Variants in DPT observed in about 807,000 individuals in gnomAD.
DPT encodes tyrosine-rich acidic matrix protein.
In DPT, 21 loss-of-function variants were observed where a neutral mutation model predicts 31.2. The observed-to-expected ratio is 0.67, with a 90% CI of 0.48 to 0.97. The LOEUF (loss-of-function observed/expected upper bound fraction) is 0.97. DPT is among the 50% of genes least tolerant of loss of function. The pLI, the probability that DPT is intolerant of heterozygous loss-of-function variation, is 0.00. For synonymous variants in DPT, 91 were observed against 86.9 expected, an observed-to-expected ratio of 1.05 and a Z score of -0.26; for missense variants, 262 against 258.8, an observed-to-expected ratio of 1.01 and a Z score of -0.08.
intron 2 of DPT, among the ~76,000 whole-genome samples, chr1:168,707,152 T>A (rs2101902509): frequency 6.6e-6 from 1 of 152,290 alleles, no homozygotes; most frequent in East Asian, 1.9e-4. Context: ...CTTCTATAGC[T>A]CAGTTCCCTC....
At chr1:168,701,378 A>T (rs1300422954) in intron 2 of DPT, among the ~76,000 whole-genome samples, 2 of 152,230 alleles carry the variant, frequency 1.3e-5, no homozygotes, top group African/African-American at 4.8e-5. Flanking sequence ...CTTTGGAATT[A>T]TCAAAATAAC....
chr1:168,706,616 A>T (rs1212893414), intron 2 of DPT, among the ~76,000 whole-genome samples: 1 of 152,198 alleles, frequency 6.6e-6, no homozygotes, highest in Non-Finnish European at 1.5e-5. Flanking sequence ...TCTGCACAGA[A>T]AATCTGAACC....
At chr1:168,726,460 C>T (rs1025706199) in intron 1 of DPT, among the ~76,000 whole-genome samples, 13 of 152,200 alleles carry the variant, frequency 8.5e-5, no homozygotes, top group African/African-American at 2.7e-4. Context: ...AGGGGTGAGC[C>T]ACAGCTCTGT....
intron 1 of DPT, among the ~76,000 whole-genome samples, chr1:168,716,030 C>A (rs1649979093): frequency 6.6e-6 from 1 of 152,154 alleles, no homozygotes; most frequent in Non-Finnish European, 1.5e-5. Context: ...GCCTTGTTGA[C>A]ACACAAATTG....
At position 168,696,630 on chromosome 1, in the gene DPT, G is replaced by C. The variant is rs1371460769; in HGVS notation, c.540-15C>G. The stretch of plus-strand genomic sequence containing the variant: ...ACTGGCGATCCCTGTGGGAGGGAGA[G>C]TCAGAAAATGAATGTCAGTGAGAAA... On this transcript the variant is annotated splice_polypyrimidine_tract_variant and intron_variant, in intron 3 of 3. Coordinates refer to ENST00000367817, the MANE Select transcript of DPT (RefSeq NM_001937.5). 5.0e-6 allele frequency: 8 copies of C among 1,612,084 alleles called. No homozygotes were observed.
chr1:168,696,610 C>A lies in DPT; in HGVS notation c.545G>T (p.Arg182Leu). 6.2e-7 allele frequency: 1 copy of A among 1,613,616 alleles called. No homozygotes were observed. The highest frequency in any genetic ancestry group is 8.5e-7 in the Non-Finnish European group (1 of 1,179,694). ...CCGGCACATTATGAACTTCCACTGG[C>A]GATCCCTGTGGGAGGGAGAGTCAGA... ...TTTFSAVERDRQWKFIMCRMT... is the reference protein window; with the variant it reads ...TTTFSAVERDLQWKFIMCRMT... The change falls in exon 4 of 4, where the codon CGC becomes CTC. Residue 182 changes from arginine (R) to leucine (L), a missense_variant. Physicochemically the swap from Arg to Leu is moderately radical, Grantham distance 102. Transcript: ENST00000367817.
intron 1 of DPT, among the ~76,000 whole-genome samples, chr1:168,725,894 T>G (rs1347436363): frequency 6.6e-6 from 1 of 152,194 alleles, no homozygotes; most frequent in Non-Finnish European, 1.5e-5. Context: ...CACAAAACCA[T>G]CAACAACTGT....
At chr1:168,727,059 T>A (rs574769612) in intron 1 of DPT, among the ~76,000 whole-genome samples, 45 of 152,334 alleles carry the variant, frequency 3.0e-4, no homozygotes, top group Admixed American at 2.6e-3. Flanking sequence ...GGGCTTCTGC[T>A]GTGGTCTTGC....
chr1:168,728,804 G>T, intron 1 of DPT, 66 bp downstream of exon 1: 1 of 1,559,042 alleles, frequency 6.4e-7, no homozygotes, highest in Non-Finnish European at 8.7e-7. Flanking sequence ...GAGTCTAGCA[G>T]CCCCCAGGAG....
In DPT at chr1:168,696,447, G is replaced by T; in HGVS notation, c.*102C>A. The T allele has an allele frequency of 2.1e-6, 2 of 967,768 alleles. No individual in the cohort carries two copies. The highest frequency in any genetic ancestry group is 3.1e-6 in the Non-Finnish European group (2 of 651,648). 59.9% of individuals were successfully genotyped at this position (967,768 alleles called of 1,614,324 possible). ...ACCAGCTCAGGGAGAAGGAAAGAGA[G>T]CAGCAGAAACTTCTATAGGAGATCC... On this transcript the variant is annotated 3_prime_UTR_variant, in exon 4 of 4. Transcript: ENST00000367817.
At chr1:168,728,396 C>T (rs1650294804) in intron 1 of DPT, among the ~76,000 whole-genome samples, 1 of 152,126 alleles carries the variant, frequency 6.6e-6, no homozygotes, top group Non-Finnish European at 1.5e-5. Flanking sequence ...GCTGAGAGAT[C>T]AATTGTTTAT....
chr1:168,720,531 G>A (rs1034841674), intron 1 of DPT, among the ~76,000 whole-genome samples: 1 of 152,180 alleles, frequency 6.6e-6, no homozygotes, highest in Non-Finnish European at 1.5e-5. Context: ...GTAAAAGGAA[G>A]CAGCACCATC....
At chr1:168,728,826 A>C in intron 1 of DPT, 44 bp downstream of exon 1, 7 of 1,595,456 alleles carry the variant, frequency 4.4e-6, no homozygotes, top group African/African-American at 1.3e-5. Flanking sequence ...AGGGATATGC[A>C]GAGATGTTCC....
intron 3 of DPT, among the ~76,000 whole-genome samples, chr1:168,697,584 G>A (rs1464213086): frequency 6.6e-6 from 1 of 152,232 alleles, no homozygotes; most frequent in Non-Finnish European, 1.5e-5. Context: ...TGCTCAGGGT[G>A]AATTTATGTT....
chr1:168,726,136 G>C lies in DPT; in HGVS notation c.305+2734C>G, dbSNP rs190325124. 2.9e-3 allele frequency among the ~76,000 whole-genome samples: 442 copies of C among 152,268 alleles called. 3 individuals are homozygous for C. The highest frequency in any genetic ancestry group is 0.021 in the South Asian group (102 of 4,820). On this transcript the variant is annotated intron_variant, in intron 1 of 3. Coordinates refer to ENST00000367817, the MANE Select transcript of DPT (RefSeq NM_001937.5). Reference sequence around the variant, plus strand: ...GTTTTCAACCCTGTGATTAGTAGACGGGGAGAAGGAGGCAACAGAGGGTGG... The same window carrying C: ...GTTTTCAACCCTGTGATTAGTAGACCGGGAGAAGGAGGCAACAGAGGGTGG...
At chr1:168,703,623 A>G (rs900826566) in intron 2 of DPT, among the ~76,000 whole-genome samples, 1 of 152,230 alleles carries the variant, frequency 6.6e-6, no homozygotes. Flanking sequence ...GTTTTGTGTG[A>G]CTTTTGGTTG....
intron 1 of DPT, among the ~76,000 whole-genome samples, chr1:168,716,482 CTT>C (rs112598588): frequency 6.9e-6 from 1 of 144,326 alleles, no homozygotes; most frequent in Non-Finnish European, 1.5e-5. Flanking sequence ...GATGATCTAG[CTT>C]TTTTTTTTTG....
intron 2 of DPT, among the ~76,000 whole-genome samples, chr1:168,703,105 G>A (rs78292403): frequency 0.023 from 3,491 of 152,002 alleles, 71 homozygotes; most frequent in Non-Finnish European, 0.036. Flanking sequence ...CTTACTTCAG[G>A]GAACAAAAAA....
chr1:168,704,241 A>G (rs1199540247), intron 2 of DPT, among the ~76,000 whole-genome samples: 1 of 152,174 alleles, frequency 6.6e-6, no homozygotes, highest in Non-Finnish European at 1.5e-5. Context: ...ATTGCCATAC[A>G]TTCCTAGACC....
Sources: gnomAD v4.1 joint callset for allele counts (sites outside exome capture counted in the v4.1 genomes callset) on GRCh38, gnomAD v4.1.1 for gene constraint, MANE v1.5 for transcripts, NCBI Gene and HGNC (gene_info 2026-07-23, HGNC 2026-07-21) for gene names.